The following RTN1 variants were observed in gnomAD, a reference collection of about 807,000 sequenced individuals.
The protein encoded by RTN1 is reticulon-1.
A neutral mutation model predicts 65.5 loss-of-function variants in RTN1; 25 were observed. The observed-to-expected ratio is 0.38, with a 90% CI of 0.28 to 0.53. The LOEUF (loss-of-function observed/expected upper bound fraction) is 0.53, where lower values mean the gene tolerates loss of function less well. RTN1 is among the 20% of genes least tolerant of loss of function. The pLI is 0.79. For synonymous variants in RTN1, 471 were observed against 447.6 expected, an observed-to-expected ratio of 1.05 and a Z score of -0.66; for missense variants, 983 against 1,025.4, an observed-to-expected ratio of 0.96 and a Z score of 0.57.
At chr14:59,712,806 G>A (rs547689831) in intron 3 of RTN1, among the ~76,000 whole-genome samples, 42 of 151,800 alleles carry the variant, frequency 2.8e-4, no homozygotes, top group African/African-American at 1.0e-3. Flanking sequence ...AGCTACTTGG[G>A]AGGCTAAGGC....
intron 3 of RTN1, among the ~76,000 whole-genome samples, chr14:59,637,203 C>T (rs976492045): frequency 7.9e-5 from 12 of 152,204 alleles, no homozygotes; most frequent in Non-Finnish European, 1.5e-5. Context: ...CAACAGTGTT[C>T]ACAGCATCTT....
At chr14:59,617,026 C>A (rs1012249875) in intron 3 of RTN1, among the ~76,000 whole-genome samples, 1 of 152,180 alleles carries the variant, frequency 6.6e-6, no homozygotes, top group African/African-American at 2.4e-5. Flanking sequence ...TGTTAATATT[C>A]TCAATTTATG....
chr14:59,746,330 A>G lies in RTN1; in HGVS notation c.393T>C (p.Asn131=), dbSNP rs753964800. ...GGCTCTCTGAAATGGTGACGTGGCC[A>G]TTTTCCTTCTGAAGAATTCCAGTAA... The part of the protein sequence containing the change: ...TYFTGILQKE[N]GHVTISESPE... Residue 131 remains asparagine, a synonymous_variant, in exon 2 of 9, where the codon AAT becomes AAC. Coordinates refer to ENST00000267484, the MANE Select transcript of RTN1 (RefSeq NM_021136.3). 3 of 1,614,166 alleles carry G rather than the reference A, an allele frequency of 1.9e-6. No individual in the cohort carries two copies. Among genetic ancestry groups the G allele is most frequent in the Non-Finnish European group, 2.5e-6 (3 of 1,180,024 alleles).
intron 1 of RTN1, among the ~76,000 whole-genome samples, chr14:59,752,615 T>C (rs1473697736): frequency 6.6e-6 from 1 of 152,214 alleles, no homozygotes. Flanking sequence ...GTAGCATGTA[T>C]GACATACAGC....
intron 1 of RTN1, among the ~76,000 whole-genome samples, chr14:59,773,112 G>A (rs1380465224): frequency 6.6e-6 from 1 of 152,050 alleles, no homozygotes; most frequent in African/African-American, 2.4e-5. Context: ...TGTTAATTAA[G>A]GATATAATTC....
At chr14:59,745,034 G>A (rs748753289) in intron 2 of RTN1, among the ~76,000 whole-genome samples, 23 of 152,156 alleles carry the variant, frequency 1.5e-4, no homozygotes, top group Non-Finnish European at 2.6e-4. Context: ...ATGGATTAAT[G>A]GATTAAAGAG....
intron 3 of RTN1, among the ~76,000 whole-genome samples, chr14:59,705,165 T>C (rs1018901262): frequency 5.3e-5 from 8 of 152,172 alleles, no homozygotes; most frequent in African/African-American, 1.9e-4. Context: ...TTTGCTTCCA[T>C]GCAGGCTGCC....
At chr14:59,805,613 C>T (rs1886621854) in intron 1 of RTN1, among the ~76,000 whole-genome samples, 1 of 152,096 alleles carries the variant, frequency 6.6e-6, no homozygotes, top group African/African-American at 2.4e-5. Flanking sequence ...TTCTGAAAGG[C>T]TTGTATAGTA....
At chr14:59,832,323 G>A (rs190170516) in intron 1 of RTN1, among the ~76,000 whole-genome samples, 11 of 148,340 alleles carry the variant, frequency 7.4e-5, no homozygotes, top group Admixed American at 2.0e-4. Flanking sequence ...TTTTTTTTTC[G>A]TTCTTTCTAT....
intron 3 of RTN1, among the ~76,000 whole-genome samples, chr14:59,647,209 G>A (rs1214985906): frequency 5.9e-5 from 9 of 152,110 alleles, no homozygotes; most frequent in East Asian, 1.9e-4. Context: ...AGACAAGAGC[G>A]TTACATAATG....
At chr14:59,622,081 A>G (rs1167078671) in intron 3 of RTN1, among the ~76,000 whole-genome samples, 5 of 152,186 alleles carry the variant, frequency 3.3e-5, no homozygotes, top group African/African-American at 1.2e-4. Flanking sequence ...CACACCTGTA[A>G]CCCCAGCACT....
intron 3 of RTN1, among the ~76,000 whole-genome samples, chr14:59,673,378 T>A (rs1354718322): frequency 6.6e-6 from 1 of 152,202 alleles, no homozygotes; most frequent in Non-Finnish European, 1.5e-5. Context: ...AATGCGGGTG[T>A]GTTACAGCTG....
chr14:59,745,803 C>T lies in RTN1; in HGVS notation c.920G>A (p.Cys307Tyr). The T allele has an allele frequency of 6.2e-7, 1 of 1,614,012 alleles. No individual in the cohort carries two copies. The highest frequency in any genetic ancestry group is 2.2e-5 in the East Asian group (1 of 44,882). ...QEKTPEKQDI[C>Y]LKPSPDTVPT... ...GACTGTGTCAGGACTTGGCTTTAGACATATATCTTGCTTCTCAGGGGTCTT... is the reference window on the plus strand; with the variant it reads ...GACTGTGTCAGGACTTGGCTTTAGATATATATCTTGCTTCTCAGGGGTCTT... The change falls in exon 2 of 9, where the codon TGT becomes TAT. Residue 307 changes from cysteine to tyrosine, a missense_variant. This residue lies in a region of RTN1 where 818 missense variants were observed against 801.8 expected (regional missense o/e 1.02). Coordinates refer to ENST00000267484, the MANE Select transcript of RTN1 (RefSeq NM_021136.3).
At chr14:59,867,444 C>T (rs1419398341) in intron 1 of RTN1, among the ~76,000 whole-genome samples, 1 of 152,110 alleles carries the variant, frequency 6.6e-6, no homozygotes, top group Admixed American at 6.5e-5. Context: ...GAAGTTGTAA[C>T]TTTAGAAGAC....
At chr14:59,804,563 A>G (rs897753958) in intron 1 of RTN1, among the ~76,000 whole-genome samples, 1 of 152,222 alleles carries the variant, frequency 6.6e-6, no homozygotes, top group African/African-American at 2.4e-5. Context: ...ATACTCACCC[A>G]TTTGGTGACT....
chr14:59,824,292 A>G (rs1260212032), intron 1 of RTN1, among the ~76,000 whole-genome samples: 1 of 152,172 alleles, frequency 6.6e-6, no homozygotes, highest in Non-Finnish European at 1.5e-5. Context: ...TCATTCTACC[A>G]TGTTCTTCAT....
chr14:59,852,138 T>G (rs781544499), intron 1 of RTN1, among the ~76,000 whole-genome samples: 1 of 152,172 alleles, frequency 6.6e-6, no homozygotes, highest in Non-Finnish European at 1.5e-5. Context: ...GCTAAACAAA[T>G]TGATAGTATA....
rs1466745652 is a variant in RTN1 at position 59,749,305 on chromosome 14, T to TAA, written c.242-2825_242-2824insTT. 2.0e-3 allele frequency among the ~76,000 whole-genome samples: 131 copies of TAA among 63,914 alleles called. 8 individuals are homozygous for TAA. Among genetic ancestry groups the TAA allele is most frequent in the African/African-American group, 0.015 (125 of 8,154 alleles). 41.9% of individuals were successfully genotyped at this position (63,914 alleles called of 152,430 possible). ...ATATATATCTATATATATCTATATATATCTATATATATATCTATATATCTA... is the reference window on the plus strand; with the variant it reads ...ATATATATCTATATATATCTATATATAAATCTATATATATATCTATATATCTA... On this transcript the variant is annotated intron_variant, in intron 1 of 8. Transcript: ENST00000267484.
chr14:59,837,974 G>T (rs1363517580), intron 1 of RTN1, among the ~76,000 whole-genome samples: 2 of 151,902 alleles, frequency 1.3e-5, no homozygotes, highest in African/African-American at 4.8e-5. Context: ...AGATTCAGGG[G>T]GTACATGTGC....
Sources: gnomAD v4.1 joint callset for allele counts (sites outside exome capture counted in the v4.1 genomes callset) on GRCh38, gnomAD v4.1.1 for gene constraint, gnomAD v4.1.1 regional missense constraint, MANE v1.5 for transcripts, NCBI Gene and HGNC (gene_info 2026-07-23, HGNC 2026-07-21) for gene names.